The following TMEM135 variants were observed in gnomAD, a reference collection of about 807,000 sequenced individuals.
The protein encoded by TMEM135 is peroxisomal membrane protein 52.
Under a neutral mutation model 60.3 loss-of-function variants are expected in TMEM135, and 30 were observed. The ratio of observed to expected loss-of-function variants is 0.50; its 90% confidence interval spans 0.37 to 0.68. TMEM135 has a LOEUF of 0.68. TMEM135 is among the 30% of genes least tolerant of loss of function. The probability of loss-of-function intolerance (pLI) is 0.00; values close to 1 mark genes in which losing one functional copy is unlikely to be tolerated. For missense variants in TMEM135, 468 were observed against 548.8 expected (o/e 0.85, Z 1.47); for synonymous variants, 190 against 186.7 (o/e 1.02, Z -0.14).
At chr11:87,179,572 T>C (rs1405612015) in intron 5 of TMEM135, among the ~76,000 whole-genome samples, 4 of 152,208 alleles carry the variant, frequency 2.6e-5, no homozygotes, top group South Asian at 2.1e-4. Context: ...TATAAGTCTT[T>C]GTTTCATCTT....
At chr11:87,309,950 C>G (rs903968601) in intron 10 of TMEM135, among the ~76,000 whole-genome samples, 8 of 152,028 alleles carry the variant, frequency 5.3e-5, no homozygotes, top group African/African-American at 1.9e-4. Context: ...TATATAGACA[C>G]TCAGAAAATA....
intron 1 of TMEM135, among the ~76,000 whole-genome samples, chr11:87,040,662 C>CAAA (rs199617777): frequency 6.1e-5 from 7 of 114,980 alleles, no homozygotes; most frequent in South Asian, 2.8e-4. Flanking sequence ...AACTCCATCA[C>CAAA]AAAAAAAAAA....
Position 87,069,032 on chromosome 11 carries a change from G to A in TMEM135, c.269+1211G>A, listed in dbSNP as rs111299786. On this transcript the variant is annotated intron_variant, in intron 2 of 14. Transcript: ENST00000305494. ...GAAAGTTTCTATGACGGCCGGGCGC[G>A]GTGGCTCACGCCTGTAATCCTAGCA... Among the ~76,000 whole-genome samples, 884 of 140,820 alleles carry A rather than the reference G, an allele frequency of 6.3e-3. 6 individuals are homozygous for A. Among genetic ancestry groups the A allele is most frequent in the Middle Eastern group, 0.035 (9 of 258 alleles). 92.4% of individuals were successfully genotyped at this position (140,820 alleles called of 152,430 possible). A position where few individuals can be genotyped will look rare whatever the true frequency, so the allele number is the denominator to read the frequency against.
chr11:87,249,128 T>C (rs553446), intron 6 of TMEM135, among the ~76,000 whole-genome samples: 100,187 of 152,022 alleles, frequency 0.66, 33,599 homozygotes, highest in Non-Finnish European at 0.71. Flanking sequence ...CAGTACTACG[T>C]TGAATAACAG....
intron 4 of TMEM135, chr11:87,121,054 C>A (rs1282057650): frequency 3.9e-5 from 6 of 152,068 alleles, no homozygotes; most frequent in Non-Finnish European, 7.4e-5. Flanking sequence ...ATTGTTTCAG[C>A]AAAGTGGAAG....
At chr11:87,269,834 A>T (rs11501859) in intron 6 of TMEM135, among the ~76,000 whole-genome samples, 2,043 of 147,756 alleles carry the variant, frequency 0.014, 57 homozygotes, top group African/African-American at 0.049. Context: ...TAGCAGCATG[A>T]TTTATAGTCC....
Position 87,321,714 on chromosome 11 carries a change from T to C in TMEM135, c.*381T>C, listed in dbSNP as rs1397206121. The C allele has an allele frequency of 2.2e-6, 1 of 459,906 alleles. No individual in the cohort carries two copies. Among genetic ancestry groups the C allele is most frequent in the East Asian group, 6.8e-5 (1 of 14,682 alleles). The allele number at this position is 459,906 out of a possible 1,614,324, so 28.5% of individuals were successfully genotyped here. On this transcript the variant is annotated 3_prime_UTR_variant, in exon 15 of 15. Transcript: ENST00000305494. ...ATATAATTCTTGATTAAAATTAGGA[T>C]TATTTCTACATTTTAGGATTTACAA...
chr11:87,246,714 A>G (rs1368194820), intron 6 of TMEM135, among the ~76,000 whole-genome samples: 1 of 138,894 alleles, frequency 7.2e-6, no homozygotes, highest in East Asian at 2.0e-4. Context: ...AGCTCCTTTA[A>G]GCACTTCTCT....
intron 1 of TMEM135, among the ~76,000 whole-genome samples, chr11:87,046,477 T>G (rs1225882025): frequency 6.6e-6 from 1 of 152,254 alleles, no homozygotes; most frequent in Non-Finnish European, 1.5e-5. Context: ...GCTGTAAGAT[T>G]TTAAGCCTTG....
rs1235483039 is a variant in TMEM135, at chr11:87,053,910, T to G, written c.142-13784T>G. ...AATGTTGTGATTGAGATTTGTGTAT[T>G]TTTTCCTTCAGGTAATAGGATATGA... On this transcript the variant is annotated intron_variant, in intron 1 of 14. Coordinates refer to ENST00000305494, the MANE Select transcript of TMEM135 (RefSeq NM_022918.4). 2.0e-5 allele frequency among the ~76,000 whole-genome samples: 3 copies of G among 152,328 alleles called. No homozygotes were observed. The East Asian group carries it at 5.8e-4, about 29-fold the overall frequency.
At position 87,327,617 on chromosome 11, in the gene TMEM135, G is replaced by A. The variant is rs369353952; in HGVS notation, c.*6284G>A. The A allele has an allele frequency of 2.4e-5, 11 of 453,298 alleles. No individual in the cohort carries two copies. The East Asian group carries it at 7.0e-4, about 29-fold the overall frequency. 28.1% of individuals were successfully genotyped at this position (453,298 alleles called of 1,614,324 possible). ...GTTGGCTCATGTGATTGTGGAGGCT[G>A]AGAAACCCCACCACAGGCCATTCAT... is the stretch of plus-strand genomic sequence containing the variant. On this transcript the variant is annotated 3_prime_UTR_variant, in exon 15 of 15. Coordinates refer to ENST00000305494, the MANE Select transcript of TMEM135 (RefSeq NM_022918.4).
chr11:87,219,689 T>C (rs1940576849), intron 5 of TMEM135, among the ~76,000 whole-genome samples: 2 of 152,150 alleles, frequency 1.3e-5, no homozygotes, highest in African/African-American at 4.8e-5. Flanking sequence ...GATTAGGGCT[T>C]TAACATATGA....
chr11:87,130,333 G>T (rs1937887292), intron 4 of TMEM135, among the ~76,000 whole-genome samples: 1 of 152,078 alleles, frequency 6.6e-6, no homozygotes, highest in South Asian at 2.1e-4. Flanking sequence ...TGATAGTAAG[G>T]ATAGTGAAGG....
intron 4 of TMEM135, among the ~76,000 whole-genome samples, chr11:87,126,167 G>A (rs929263422): frequency 5.3e-5 from 8 of 151,928 alleles, no homozygotes; most frequent in African/African-American, 1.7e-4. Flanking sequence ...CACTATGCCC[G>A]GCCTACAATA....
At chr11:87,287,084 A>C (rs1159192987) in intron 6 of TMEM135, among the ~76,000 whole-genome samples, 1 of 152,126 alleles carries the variant, frequency 6.6e-6, no homozygotes, top group Non-Finnish European at 1.5e-5. Context: ...CACATATTTA[A>C]TTGTGCTTTA....
chr11:87,044,486 C>T (rs1590974980), intron 1 of TMEM135, among the ~76,000 whole-genome samples: 2 of 152,074 alleles, frequency 1.3e-5, no homozygotes. Flanking sequence ...ATTATCTGAG[C>T]TTTGGAGACC....
chr11:87,085,609 TA>T (rs1565434365), intron 3 of TMEM135, among the ~76,000 whole-genome samples: 2 of 151,884 alleles, frequency 1.3e-5, no homozygotes, highest in Non-Finnish European at 2.9e-5. Flanking sequence ...TACAAAAAAT[TA>T]GCTGGGTGTG....
At chr11:87,107,016 C>T (rs949787402) in intron 4 of TMEM135, among the ~76,000 whole-genome samples, 1 of 152,158 alleles carries the variant, frequency 6.6e-6, no homozygotes, top group East Asian at 1.9e-4. Flanking sequence ...CGAGAACTCG[C>T]TATCACGAAG....
chr11:87,250,810 C>A (rs1168625419), intron 6 of TMEM135, among the ~76,000 whole-genome samples: 1 of 152,054 alleles, frequency 6.6e-6, no homozygotes, highest in Admixed American at 6.6e-5. Context: ...AGGAGATGTG[C>A]CTTAAATAAT....
Sources: gnomAD v4.1 joint callset for allele counts (sites outside exome capture counted in the v4.1 genomes callset) on GRCh38, gnomAD v4.1.1 for gene constraint, MANE v1.5 for transcripts, NCBI Gene and HGNC (gene_info 2026-07-23, HGNC 2026-07-21) for gene names.